Variants in MED13L observed in about 807,000 individuals in gnomAD.
MED13L encodes mediator complex subunit 13L.
In MED13L, 7 loss-of-function variants were observed where a neutral mutation model predicts 220.9. The ratio of observed to expected loss-of-function variants is 0.03; its 90% CI spans 0.02 to 0.06. The LOEUF is 0.06. MED13L is among the 10% of genes least tolerant of loss of function. The pLI is 1.00. For synonymous variants in MED13L, 1,011 were observed against 1,015.2 expected (o/e 1.00, Z 0.08); for missense variants, 1,965 against 2,760.5 (o/e 0.71, Z 6.46).
intron 2 of MED13L, among the ~76,000 whole-genome samples, chr12:116,153,758 T>C (rs1303283040): frequency 6.6e-6 from 1 of 152,186 alleles, no homozygotes; most frequent in Non-Finnish European, 1.5e-5. Flanking sequence ...CAGAAAAATC[T>C]TTCTAACTTT....
intron 2 of MED13L, among the ~76,000 whole-genome samples, chr12:116,160,624 T>G (rs983382692): frequency 2.6e-5 from 4 of 151,664 alleles, no homozygotes; most frequent in Non-Finnish European, 5.9e-5. Flanking sequence ...TCACCAGGCT[T>G]GAGTGCAGTG....
rs1174555542 is a variant in MED13L at position 115,996,861 on chromosome 12, T to C, written c.2790+149A>G. ...ATCAATCAAAAGACACTATTTAATA[T>C]GCCTGCTGGTGTGCCTCATGTTCTA... On this transcript the variant is annotated intron_variant, in intron 15 of 30. Transcript: ENST00000281928. 4.9e-6 allele frequency: 5 copies of C among 1,012,546 alleles called. No individual in the cohort carries two copies. In the East Asian group the frequency reaches 7.4e-5, roughly 15 times the overall value. The allele number at this position is 1,012,546 out of a possible 1,614,324, so 62.7% of individuals were successfully genotyped here.
At chr12:115,995,112 T>C (rs1162954976) in intron 16 of MED13L, among the ~76,000 whole-genome samples, 1 of 152,196 alleles carries the variant, frequency 6.6e-6, no homozygotes, top group Non-Finnish European at 1.5e-5. Context: ...ACTGACTTTA[T>C]ATACACAAGC....
Position 115,991,344 on chromosome 12 carries a change from A to C in MED13L, c.3610T>G (p.Cys1204Gly). Residue 1204 changes from cysteine (C) to glycine (G), a missense_variant, in exon 17 of 31, where the codon TGT (cysteine) becomes GGT (glycine). Physicochemically the swap from Cys to Gly is radical, Grantham distance 159. Transcript: ENST00000281928. This position sits in a 1 kb window ranked among gnomAD's most constrained non-coding sequence, Gnocchi z 7.7. Reference protein sequence around the residue: ...GQAAERRLMMCQSTFLPQVEG... With the variant: ...GQAAERRLMMGQSTFLPQVEG... The stretch of plus-strand genomic sequence containing the variant: ...ACCTGAGGAAGGAAGGTGGACTGAC[A>C]CATCATTAAGCGCCTCTCTGCAGCC... The C allele has an allele frequency of 6.2e-7, 1 of 1,614,050 alleles. No homozygotes were observed. The highest frequency in any genetic ancestry group is 8.5e-7 in the Non-Finnish European group (1 of 1,180,034).
intron 14 of MED13L, 138 bp downstream of exon 14, chr12:116,002,865 A>G (rs1878831885): frequency 1.4e-6 from 1 of 729,578 alleles, no homozygotes; most frequent in Non-Finnish European, 2.4e-6. Flanking sequence ...CAATTTATAT[A>G]GGTTTTAATT....
chr12:115,991,172 T>C lies in MED13L; in HGVS notation c.3782A>G (p.Tyr1261Cys). The C allele has an allele frequency of 6.2e-7, 1 of 1,614,190 alleles. No homozygotes were observed. ...RQTLPCVSWSYDRVQADNNDY... is the reference protein window; with the variant it reads ...RQTLPCVSWSCDRVQADNNDY... ...ATTATTATCTGCTTGCACCCGGTCA[T>C]AACTCCAGCTTACACAGGGAAGAGT... The change falls in exon 17 of 31, where the codon TAT (tyrosine) becomes TGT (cysteine). Residue 1261 changes from tyrosine (Y) to cysteine (C), a missense_variant. Physicochemically the swap from Tyr to Cys is radical, Grantham distance 194. Coordinates refer to ENST00000281928, the MANE Select transcript of MED13L (RefSeq NM_015335.5). This position sits in a 1 kb window ranked among gnomAD's most constrained non-coding sequence, Gnocchi z 7.7.
intron 27 of MED13L, among the ~76,000 whole-genome samples, chr12:115,969,557 A>G (rs544218945): frequency 6.6e-6 from 1 of 151,944 alleles, no homozygotes; most frequent in South Asian, 2.1e-4. Flanking sequence ...CCAAAAGCAA[A>G]TCAAAGCACA....
At chr12:116,175,569 A>G (rs1879990772) in intron 2 of MED13L, among the ~76,000 whole-genome samples, 1 of 152,202 alleles carries the variant, frequency 6.6e-6, no homozygotes, top group Admixed American at 6.5e-5. Flanking sequence ...TGAGACCTTA[A>G]CTTTTAAGAA....
At chr12:115,990,032 T>C (rs1056575533) in intron 17 of MED13L, among the ~76,000 whole-genome samples, 1 of 152,204 alleles carries the variant, frequency 6.6e-6, no homozygotes, top group Non-Finnish European at 1.5e-5. Flanking sequence ...ACCCAACCCC[T>C]AGCATGCCTC....
intron 28 of MED13L, among the ~76,000 whole-genome samples, chr12:115,968,022 C>T (rs1876303826): frequency 7.1e-6 from 1 of 141,180 alleles, no homozygotes; most frequent in African/African-American, 2.6e-5. Flanking sequence ...TTCTCTCCAG[C>T]GTCTAATAAA....
At position 116,277,235 on chromosome 12, in the gene MED13L, C is replaced by A. The variant is rs2138617515; in HGVS notation, c.-104G>T. 2.3e-6 allele frequency: 1 copy of A among 438,978 alleles called. No homozygotes were observed. Among genetic ancestry groups the A allele is most frequent in the South Asian group, 9.8e-5 (1 of 10,210 alleles). 27.2% of individuals were successfully genotyped at this position (438,978 alleles called of 1,614,324 possible). On this transcript the variant is annotated 5_prime_UTR_variant, in exon 1 of 31. Coordinates refer to ENST00000281928, the MANE Select transcript of MED13L (RefSeq NM_015335.5). ...GCCTCGCCGGGGAGCGCGGGGCGGC[C>A]GGGCCGCCGCCGCCGCCGGGGGAGG...
chr12:116,138,243 A>C (rs1292181657), intron 2 of MED13L, among the ~76,000 whole-genome samples: 1 of 152,232 alleles, frequency 6.6e-6, no homozygotes, highest in Non-Finnish European at 1.5e-5. Context: ...AAATTTTATA[A>C]AACATAGCCC....
At chr12:116,232,049 A>G in intron 2 of MED13L, 2 of 980,130 alleles carry the variant, frequency 2.0e-6, no homozygotes, top group Non-Finnish European at 2.4e-6. Context: ...AGTATCTTAA[A>G]TTATCTTACA....
Position 115,997,238 on chromosome 12 carries a change from TAAGA to T in MED13L, c.2570-12_2570-9del. The T allele has an allele frequency of 6.2e-7, 1 of 1,613,158 alleles. No individual in the cohort carries two copies. Among genetic ancestry groups the T allele is most frequent in the Non-Finnish European group, 8.5e-7 (1 of 1,179,538 alleles). ...TTTGCAAGTCTGCAACTGCTAAAAA[TAAGA>T]AATAAAAAAAATTTGTTTAATAGGA... On this transcript the variant is annotated splice_polypyrimidine_tract_variant and intron_variant, in intron 14 of 30. Coordinates refer to ENST00000281928, the MANE Select transcript of MED13L (RefSeq NM_015335.5).
At chr12:116,276,341 TGTGTGTGTGTGC>T (rs1326278919) in intron 1 of MED13L, 25 of 606,930 alleles carry the variant, frequency 4.1e-5, no homozygotes, top group Non-Finnish European at 6.6e-5. Flanking sequence ...TGTGTGTGTG[TGTGTGTGTGTGC>T]GGATTCGTTG....
intron 2 of MED13L, among the ~76,000 whole-genome samples, chr12:116,132,879 T>G (rs1419815864): frequency 6.6e-6 from 1 of 151,448 alleles, no homozygotes; most frequent in Non-Finnish European, 1.5e-5. Flanking sequence ...GACACTGCAC[T>G]CCAGCCTGGG....
At chr12:116,192,991 G>C (rs1881377539) in intron 2 of MED13L, among the ~76,000 whole-genome samples, 1 of 152,176 alleles carries the variant, frequency 6.6e-6, no homozygotes, top group African/African-American at 2.4e-5. Context: ...ACTTACGCAT[G>C]GTGGCACGTG....
At chr12:116,063,646 A>G (rs1869691349) in intron 4 of MED13L, among the ~76,000 whole-genome samples, 2 of 152,240 alleles carry the variant, frequency 1.3e-5, no homozygotes, top group South Asian at 2.1e-4. Flanking sequence ...AATGGTTATT[A>G]TAAGCCTTAA....
chr12:116,137,912 A>C (rs1241160641), intron 2 of MED13L, among the ~76,000 whole-genome samples: 7 of 140,776 alleles, frequency 5.0e-5, no homozygotes, highest in African/African-American at 1.9e-4. Context: ...GCTGGAGTGC[A>C]ATGGTGCGAT....
Sources: allele counts gnomAD v4.1 joint callset (sites outside exome capture counted in the v4.1 genomes callset), GRCh38; gene constraint gnomAD v4.1.1; non-coding constraint Gnocchi (gnomAD v3.1); transcripts MANE v1.5; gene names NCBI Gene and HGNC (gene_info 2026-07-23, HGNC 2026-07-21).